F13B: variants seen among roughly 807,000 people sequenced by gnomAD.
F13B encodes TGase.
A neutral mutation model predicts 79.8 loss-of-function variants in F13B; 58 were observed. That is an observed-to-expected ratio of 0.73 (90% CI 0.59 to 0.90). The LOEUF is 0.90. Ranked by LOEUF, F13B falls within the 40% of genes least tolerant of loss-of-function variation. F13B has a pLI of 0.00. For synonymous variants in F13B, 283 were observed against 260.3 expected (o/e 1.09, Z -0.84); for missense variants, 773 against 777.0 (o/e 0.99, Z 0.06).
At chr1:197,062,045 A>C in intron 2 of F13B, 76 bp from the exon 3 acceptor site, 1 of 1,279,646 alleles carries the variant, frequency 7.8e-7, no homozygotes, top group African/African-American at 1.5e-5. Flanking sequence ...TTAAGCCAAA[A>C]GTATAATGTT....
At chr1:197,041,847 C>CT (rs1655048604) in intron 10 of F13B, among the ~76,000 whole-genome samples, 1 of 152,154 alleles carries the variant, frequency 6.6e-6, no homozygotes, top group Non-Finnish European at 1.5e-5. Context: ...CTTCTTCACA[C>CT]TTTCATAGAC....
At chr1:197,059,909 C>G (rs1218557530) in intron 5 of F13B, among the ~76,000 whole-genome samples, 1 of 152,070 alleles carries the variant, frequency 6.6e-6, no homozygotes, top group Non-Finnish European at 1.5e-5. Flanking sequence ...AAGATGACCT[C>G]TTTTCCCATT....
intron 7 of F13B, among the ~76,000 whole-genome samples, chr1:197,056,491 C>T (rs1169002661): frequency 2.0e-5 from 3 of 151,804 alleles, no homozygotes; most frequent in East Asian, 1.9e-4. Flanking sequence ...CCTGGTGGTG[C>T]CTTTCAGTAA....
intron 5 of F13B, among the ~76,000 whole-genome samples, chr1:197,059,909 C>T (rs1218557530): frequency 1.3e-5 from 2 of 152,188 alleles, no homozygotes; most frequent in East Asian, 3.9e-4. Context: ...AAGATGACCT[C>T]TTTTCCCATT....
At chr1:197,061,752 T>C (rs1439123977) in intron 3 of F13B, 32 bp downstream of exon 3, 2 of 1,581,538 alleles carry the variant, frequency 1.3e-6, no homozygotes, top group African/African-American at 1.3e-5. Flanking sequence ...TGATAAGCAC[T>C]TATCTTCAGT....
In F13B at chr1:197,061,796, T is replaced by C. The variant is rs1655871694; in HGVS notation, c.439A>G (p.Arg147Gly). The C allele has an allele frequency of 6.2e-7, 1 of 1,613,190 alleles. No individual in the cohort carries two copies. Residue 147 changes from arginine (R) to glycine (G), a missense_variant, in exon 3 of 12, where the codon AGG becomes GGG. Transcript: ENST00000367412. ...ATGATTCTTATACCATGTTCTTTCC[T>C]ACAGGTTGGTTGAGAAGACCATCCA... ...SDGWSSQPTC[R>G]KEHETCLAPE...
At chr1:197,046,826 G>A (rs1655251243) in intron 10 of F13B, among the ~76,000 whole-genome samples, 2 of 152,174 alleles carry the variant, frequency 1.3e-5, no homozygotes, top group South Asian at 4.1e-4. Context: ...ATAGACCAAT[G>A]GAACAGAACA....
At chr1:197,063,182 T>A in intron 1 of F13B, 125 bp from the exon 2 acceptor site, 2 of 795,176 alleles carry the variant, frequency 2.5e-6, no homozygotes, top group East Asian at 5.0e-5. Flanking sequence ...TTTTCTTACT[T>A]AAATTTTTAA....
At chr1:197,066,251 A>C (rs528128303) in intron 1 of F13B, among the ~76,000 whole-genome samples, 2 of 152,204 alleles carry the variant, frequency 1.3e-5, no homozygotes, top group Non-Finnish European at 2.9e-5. Flanking sequence ...GAAAATTTAT[A>C]GTTAACTATT....
rs866622032 is a variant in F13B at position 197,060,494 on chromosome 1, G to T, written c.677C>A (p.Pro226His). 1 of 1,603,716 alleles carries T rather than the reference G, an allele frequency of 6.2e-7. No individual in the cohort carries two copies. Among genetic ancestry groups the T allele is most frequent in the Non-Finnish European group, 8.5e-7 (1 of 1,174,494 alleles). Residue 226 changes from proline to histidine, a missense_variant, in exon 5 of 12, where the codon CCT (proline) becomes CAT (histidine). Transcript: ENST00000367412. ...LRLIENGYFHPVKQTYEEGDV... is the reference protein window; with the variant it reads ...LRLIENGYFHHVKQTYEEGDV... ...TCCTTCTTCATAGGTTTGCTTTACA[G>T]GATGAAAATAACCATTTTCAATTAA... is the stretch of plus-strand genomic sequence containing the variant.
chr1:197,066,286 T>A (rs1365891000), intron 1 of F13B, among the ~76,000 whole-genome samples: 1 of 152,178 alleles, frequency 6.6e-6, no homozygotes, highest in Admixed American at 6.6e-5. Flanking sequence ...TTAAAACTTA[T>A]GTATTTAATT....
intron 10 of F13B, among the ~76,000 whole-genome samples, chr1:197,041,294 C>T (rs1398845208): frequency 2.6e-5 from 4 of 152,088 alleles, no homozygotes; most frequent in Non-Finnish European, 4.4e-5. Flanking sequence ...TGGATTAAGA[C>T]GTTTTAAATT....
intron 7 of F13B, 34 bp from the exon 8 acceptor site, chr1:197,055,931 G>C (rs1655625152): frequency 1.3e-6 from 2 of 1,539,264 alleles, no homozygotes; most frequent in African/African-American, 2.7e-5. Flanking sequence ...ATTAATATGA[G>C]CTCATAACAA....
Position 197,050,800 on chromosome 1 carries a change from A to G in F13B, c.1635T>C (p.Asn545=). The stretch of plus-strand genomic sequence containing the variant: ...AACATCTGTATTCTACTGAAGAGCC[A>G]TTTTCATAGGTGTCTACTGTTGAAC... The part of the protein sequence containing the change: ...IISSTVDTYE[N]GSSVEYRCFD... Residue 545 remains asparagine, a synonymous_variant, in exon 10 of 12, where the codon AAT becomes AAC. Coordinates refer to ENST00000367412, the MANE Select transcript of F13B (RefSeq NM_001994.3). The G allele has an allele frequency of 1.2e-6, 2 of 1,613,384 alleles. No individual in the cohort carries two copies. Among genetic ancestry groups the G allele is most frequent in the Non-Finnish European group, 1.7e-6 (2 of 1,179,612 alleles).
intron 3 of F13B, among the ~76,000 whole-genome samples, chr1:197,061,293 A>G (rs2125072445): frequency 6.6e-6 from 1 of 152,244 alleles, no homozygotes; most frequent in Non-Finnish European, 1.5e-5. Flanking sequence ...CTAGTCTACA[A>G]GTGCTTGACC....
Position 197,040,540 on chromosome 1 carries a change from C to A in F13B, c.1934G>T (p.Arg645Ile), listed in dbSNP as rs1654999106. 1 of 1,610,560 alleles carries A rather than the reference C, an allele frequency of 6.2e-7. No homozygotes were observed. ...QCDRGQLKYPRCIPRQSTLSY... is the reference protein window; with the variant it reads ...QCDRGQLKYPICIPRQSTLSY... Reference sequence around the variant, plus strand: ...TTCTTACCTTTGTCTTGGAATACATCTTGGATATTTTAACTGCCCTCTGTC... The same window carrying A: ...TTCTTACCTTTGTCTTGGAATACATATTGGATATTTTAACTGCCCTCTGTC... Residue 645 changes from arginine (R) to isoleucine (I), a missense_variant, in exon 11 of 12, where the codon AGA (arginine) becomes ATA (isoleucine). Arg to Ile is a moderately conservative substitution (Grantham distance 97). Transcript: ENST00000367412.
At chr1:197,066,452 A>G (rs1429839223) in intron 1 of F13B, among the ~76,000 whole-genome samples, 1 of 152,160 alleles carries the variant, frequency 6.6e-6, no homozygotes, top group Non-Finnish European at 1.5e-5. Flanking sequence ...ATACCCATGT[A>G]CACTGCCTAG....
chr1:197,057,555 T>TA, intron 5 of F13B, 90 bp from the exon 6 acceptor site: 4 of 1,334,218 alleles, frequency 3.0e-6, no homozygotes, highest in Non-Finnish European at 4.2e-6. Flanking sequence ...TCAAGCATCA[T>TA]AGAGAGAATG....
intron 1 of F13B, among the ~76,000 whole-genome samples, chr1:197,063,931 A>G (rs1007481431): frequency 9.2e-5 from 14 of 152,180 alleles, no homozygotes. Flanking sequence ...TCTCCTTAAC[A>G]TATGCTAACT....
Sources: allele counts gnomAD v4.1 joint callset (sites outside exome capture counted in the v4.1 genomes callset), GRCh38; gene constraint gnomAD v4.1.1; transcripts MANE v1.5; gene names NCBI Gene and HGNC (gene_info 2026-07-23, HGNC 2026-07-21).